SORCS1: variants seen among roughly 807,000 people sequenced by gnomAD.
The protein encoded by SORCS1 is sortilin related VPS10 domain containing receptor 1, also known as VPS10 domain-containing receptor SorCS1.
Under a neutral mutation model 146.1 loss-of-function variants are expected in SORCS1, and 60 were observed. The ratio of observed to expected loss-of-function variants is 0.41; its 90% CI spans 0.33 to 0.51. The LOEUF is 0.51. SORCS1 is among the 20% of genes least tolerant of loss of function. SORCS1 has a pLI of 0.21. For missense variants in SORCS1, 1,352 were observed against 1,487.6 expected, an observed-to-expected ratio of 0.91 and a Z score of 1.50; for synonymous variants, 637 against 584.0, an observed-to-expected ratio of 1.09 and a Z score of -1.31.
intron 2 of SORCS1, among the ~76,000 whole-genome samples, chr10:106,915,113 T>A (rs1244940632): frequency 1.3e-5 from 2 of 152,214 alleles, no homozygotes; most frequent in Admixed American, 1.3e-4. Context: ...TATGCTTAAG[T>A]GTCTCAAACT....
chr10:106,801,607 CA>C (rs1335213006), intron 3 of SORCS1, among the ~76,000 whole-genome samples: 28 of 148,470 alleles, frequency 1.9e-4, no homozygotes, highest in African/African-American at 2.5e-4. Context: ...CGGCTCACTG[CA>C]AAGCTCCGCC....
At chr10:107,075,618 T>C (rs1029459499) in intron 1 of SORCS1, among the ~76,000 whole-genome samples, 9 of 152,156 alleles carry the variant, frequency 5.9e-5, no homozygotes, top group African/African-American at 1.9e-4. Flanking sequence ...TCCATTCATA[T>C]GCTTCTAAAG....
At chr10:106,833,488 A>C (rs1948652955) in intron 2 of SORCS1, among the ~76,000 whole-genome samples, 1 of 152,180 alleles carries the variant, frequency 6.6e-6, no homozygotes, top group Non-Finnish European at 1.5e-5. Context: ...TAAAAATAGT[A>C]AATACTTTCA....
At chr10:106,639,238 G>A (rs1364382818) in intron 18 of SORCS1, among the ~76,000 whole-genome samples, 1 of 152,180 alleles carries the variant, frequency 6.6e-6, no homozygotes, top group Non-Finnish European at 1.5e-5. Context: ...CCTGATTCAG[G>A]GGTAGTGACC....
At chr10:106,922,981 C>T (rs11193103) in intron 2 of SORCS1, among the ~76,000 whole-genome samples, 79,281 of 151,406 alleles carry the variant, frequency 0.52, 22,358 homozygotes, top group Non-Finnish European at 0.63. Context: ...CTCCACCTCC[C>T]GGGTTCAAGC....
intron 2 of SORCS1, among the ~76,000 whole-genome samples, chr10:106,923,020 C>G (rs1298984451): frequency 1.3e-5 from 2 of 151,986 alleles, no homozygotes; most frequent in African/African-American, 4.8e-5. Flanking sequence ...CCCCGAGTAG[C>G]TGGGACTATA....
intron 6 of SORCS1, among the ~76,000 whole-genome samples, chr10:106,724,161 A>T (rs951085405): frequency 3.9e-5 from 6 of 152,324 alleles, no homozygotes; most frequent in African/African-American, 1.4e-4. Context: ...TACTCGAGTT[A>T]ATTTCCAACC....
At chr10:106,918,395 C>T (rs548932659) in intron 2 of SORCS1, among the ~76,000 whole-genome samples, 205 of 152,168 alleles carry the variant, frequency 1.3e-3, no homozygotes, top group South Asian at 5.0e-3. Context: ...AATCTCCTGA[C>T]CTGGTGATCC....
chr10:106,996,225 TAAAAA>T (rs376245294), intron 1 of SORCS1, among the ~76,000 whole-genome samples: 1 of 99,662 alleles, frequency 1.0e-5, no homozygotes, highest in East Asian at 3.2e-4. Flanking sequence ...AGACTCCATC[TAAAAA>T]AAAAAAAAAA....
At chr10:106,764,369 C>G (rs1286291829) in intron 4 of SORCS1, among the ~76,000 whole-genome samples, 4 of 152,186 alleles carry the variant, frequency 2.6e-5, no homozygotes, top group Non-Finnish European at 5.9e-5. Flanking sequence ...GCAAAGTGCT[C>G]CTCCACAAAG....
At chr10:106,913,503 A>G (rs903598670) in intron 2 of SORCS1, among the ~76,000 whole-genome samples, 2 of 152,214 alleles carry the variant, frequency 1.3e-5, no homozygotes, top group African/African-American at 2.4e-5. Flanking sequence ...TATGCTGGCT[A>G]TTGGGGATTC....
At chr10:106,888,112 C>T (rs918156114) in intron 2 of SORCS1, among the ~76,000 whole-genome samples, 6 of 152,124 alleles carry the variant, frequency 3.9e-5, no homozygotes, top group African/African-American at 1.4e-4. Flanking sequence ...AATCTGAGAA[C>T]GTTCTTTGGG....
At chr10:106,872,519 T>C (rs186876584) in intron 2 of SORCS1, among the ~76,000 whole-genome samples, 1 of 152,314 alleles carries the variant, frequency 6.6e-6, no homozygotes, top group East Asian at 1.9e-4. Context: ...AAGGTTTTAA[T>C]AGAATAATGG....
intron 4 of SORCS1, among the ~76,000 whole-genome samples, chr10:106,766,422 C>T (rs1859578221): frequency 3.3e-5 from 5 of 152,132 alleles, no homozygotes; most frequent in African/African-American, 1.2e-4. Context: ...ATTCCTAATG[C>T]CAGGCCTGAG....
At chr10:106,765,114 AAT>A (rs1411841938) in intron 4 of SORCS1, among the ~76,000 whole-genome samples, 2 of 152,264 alleles carry the variant, frequency 1.3e-5, no homozygotes, top group Non-Finnish European at 2.9e-5. Context: ...AAGGAGCAGA[AAT>A]GTTAGAGAAC....
intron 17 of SORCS1, among the ~76,000 whole-genome samples, chr10:106,657,214 T>G (rs2135323593): frequency 6.6e-6 from 1 of 152,224 alleles, no homozygotes; most frequent in Non-Finnish European, 1.5e-5. Context: ...TAAGTGCCTA[T>G]CAGCTGATGA....
intron 1 of SORCS1, among the ~76,000 whole-genome samples, chr10:107,088,227 G>T (rs934037620): frequency 7.2e-5 from 11 of 152,024 alleles, no homozygotes; most frequent in Admixed American, 7.2e-4. Flanking sequence ...TGTTGTTGTT[G>T]TTCCCACCCT....
intron 1 of SORCS1, among the ~76,000 whole-genome samples, chr10:107,068,768 G>A (rs1275059870): frequency 6.6e-6 from 1 of 151,914 alleles, no homozygotes; most frequent in Middle Eastern, 3.2e-3. Flanking sequence ...TACTTGGGAG[G>A]CTGAGGCAGG....
At chr10:106,866,607 T>A (rs1353122029) in intron 2 of SORCS1, among the ~76,000 whole-genome samples, 1 of 152,186 alleles carries the variant, frequency 6.6e-6, no homozygotes, top group Non-Finnish European at 1.5e-5. Flanking sequence ...AAGCCCACAC[T>A]TTCAGAGCAC....
Sources: gnomAD v4.1 joint callset for allele counts (sites outside exome capture counted in the v4.1 genomes callset) on GRCh38, gnomAD v4.1.1 for gene constraint, MANE v1.5 for transcripts, NCBI Gene and HGNC (gene_info 2026-07-23, HGNC 2026-07-21) for gene names.